The following NRG3 variants were observed in gnomAD, a reference collection of about 807,000 sequenced individuals.
NRG3 encodes neuregulin 3.
A neutral mutation model predicts 66.9 loss-of-function variants in NRG3; 31 were observed. That is an observed-to-expected ratio of 0.46 (90% CI 0.35 to 0.63). The LOEUF is 0.63. NRG3 is among the 20% of genes least tolerant of loss of function. NRG3 has a pLI of 0.00. For synonymous variants in NRG3, 393 were observed against 359.4 expected (o/e 1.09, Z -1.06); for missense variants, 910 against 878.9 (o/e 1.04, Z -0.45).
At chr10:82,310,953 T>A (rs999600017) in intron 1 of NRG3, among the ~76,000 whole-genome samples, 22 of 152,340 alleles carry the variant, frequency 1.4e-4, no homozygotes, top group Non-Finnish European at 3.1e-4. Context: ...TTGCTTACTC[T>A]AAGATTGAGG....
intron 1 of NRG3, among the ~76,000 whole-genome samples, chr10:82,358,221 T>C (rs2083901276): frequency 6.6e-6 from 1 of 152,158 alleles, no homozygotes; most frequent in Non-Finnish European, 1.5e-5. Context: ...GCATTTTAAT[T>C]ACATAATAAA....
chr10:82,848,956 T>G (rs2063435818), intron 3 of NRG3, among the ~76,000 whole-genome samples: 1 of 152,166 alleles, frequency 6.6e-6, no homozygotes. Flanking sequence ...ATTAAACCTC[T>G]TTTTCTTTAT....
chr10:82,638,036 A>G (rs1226441185), intron 2 of NRG3, among the ~76,000 whole-genome samples: 2 of 152,208 alleles, frequency 1.3e-5, no homozygotes, highest in Non-Finnish European at 2.9e-5. Flanking sequence ...CTTTCACTAT[A>G]TTGGAAACTT....
chr10:82,485,260 T>C (rs1352839489), intron 2 of NRG3, among the ~76,000 whole-genome samples: 1 of 152,008 alleles, frequency 6.6e-6, no homozygotes, highest in Non-Finnish European at 1.5e-5. Context: ...AATTCAAAGA[T>C]GAGCTGATTT....
At chr10:82,499,692 T>C (rs1590362025) in intron 2 of NRG3, among the ~76,000 whole-genome samples, 1 of 152,184 alleles carries the variant, frequency 6.6e-6, no homozygotes. Flanking sequence ...TATGTGTGAA[T>C]TGAATGATAT....
intron 4 of NRG3, among the ~76,000 whole-genome samples, chr10:82,867,874 C>A (rs1840912184): frequency 6.6e-6 from 1 of 152,092 alleles, no homozygotes; most frequent in African/African-American, 2.4e-5. Context: ...TTTGTACCCT[C>A]CTCATTCGCT....
intron 2 of NRG3, among the ~76,000 whole-genome samples, chr10:82,569,619 C>T (rs912099185): frequency 1.3e-5 from 2 of 151,674 alleles, no homozygotes; most frequent in Non-Finnish European, 3.0e-5. Context: ...TCTTAGAAAA[C>T]GTTTTGGGTT....
intron 1 of NRG3, among the ~76,000 whole-genome samples, chr10:81,911,885 G>T (rs1424798362): frequency 2.6e-5 from 4 of 151,904 alleles, no homozygotes; most frequent in Non-Finnish European, 4.4e-5. Context: ...TAAAGTAAAA[G>T]AATGTTTTCT....
intron 2 of NRG3, among the ~76,000 whole-genome samples, chr10:82,671,719 A>G (rs1341463706): frequency 1.3e-5 from 2 of 152,242 alleles, no homozygotes; most frequent in African/African-American, 4.8e-5. Flanking sequence ...TTACAGAGAG[A>G]TGAACCAACT....
At chr10:82,617,056 A>G (rs2048700963) in intron 2 of NRG3, among the ~76,000 whole-genome samples, 1 of 152,198 alleles carries the variant, frequency 6.6e-6, no homozygotes, top group African/African-American at 2.4e-5. Flanking sequence ...TTCTGAGTGC[A>G]TTGGTTGAGG....
At chr10:82,408,109 A>AAG (rs1160898536) in intron 2 of NRG3, among the ~76,000 whole-genome samples, 4 of 140,686 alleles carry the variant, frequency 2.8e-5, no homozygotes, top group African/African-American at 1.1e-4. Flanking sequence ...GAAAGAAAGA[A>AAG]AGAAAGAAAG....
rs528650660 is a variant in NRG3, at chr10:82,192,488, A to T, written c.824-166251A>T. Among the ~76,000 whole-genome samples the T allele has an allele frequency of 4.6e-5, 7 of 152,226 alleles. No individual in the cohort carries two copies. The South Asian group carries it at 1.5e-3, about 32-fold the overall frequency. On this transcript the variant is annotated intron_variant, in intron 1 of 8. Coordinates refer to ENST00000372141, the MANE Select transcript of NRG3 (RefSeq NM_001010848.4). ...TTGCTGGAATTATCTAAAGATATCCACCTATTGTCTAAAACCCACCTAACA... is the reference window on the plus strand; with the variant it reads ...TTGCTGGAATTATCTAAAGATATCCTCCTATTGTCTAAAACCCACCTAACA...
intron 2 of NRG3, among the ~76,000 whole-genome samples, chr10:82,483,097 C>G (rs1842416251): frequency 6.6e-6 from 1 of 152,050 alleles, no homozygotes; most frequent in Non-Finnish European, 1.5e-5. Flanking sequence ...TGGGCCCAAA[C>G]AGATGAAAAA....
chr10:81,993,622 C>T (rs1351274319), intron 1 of NRG3, among the ~76,000 whole-genome samples: 2 of 152,108 alleles, frequency 1.3e-5, no homozygotes, highest in Non-Finnish European at 2.9e-5. Flanking sequence ...GGTGGAATTA[C>T]AGGCATAAAC....
chr10:82,560,906 G>T (rs1337404917), intron 2 of NRG3, among the ~76,000 whole-genome samples: 1 of 151,754 alleles, frequency 6.6e-6, no homozygotes, highest in Non-Finnish European at 1.5e-5. Flanking sequence ...AGTCTTATAG[G>T]TCCCTAATAT....
At chr10:82,392,639 ATTTG>A (rs2086458439) in intron 2 of NRG3, among the ~76,000 whole-genome samples, 1 of 152,164 alleles carries the variant, frequency 6.6e-6, no homozygotes. Context: ...ACAATAGCCC[ATTTG>A]TTTTACAAAT....
At chr10:82,787,925 C>T (rs562379539) in intron 3 of NRG3, among the ~76,000 whole-genome samples, 2 of 152,284 alleles carry the variant, frequency 1.3e-5, no homozygotes, top group East Asian at 1.9e-4. Context: ...CATAACAGAC[C>T]TAGGCTGCAG....
intron 3 of NRG3, among the ~76,000 whole-genome samples, chr10:82,822,751 C>G (rs1253770601): frequency 6.6e-6 from 1 of 152,110 alleles, no homozygotes; most frequent in African/African-American, 2.4e-5. Flanking sequence ...AGTCCCCTCA[C>G]TAACCTGTCC....
At chr10:82,061,352 C>CAAACAAAACA (rs563433676) in intron 1 of NRG3, among the ~76,000 whole-genome samples, 4 of 152,082 alleles carry the variant, frequency 2.6e-5, no homozygotes, top group African/African-American at 9.7e-5. Flanking sequence ...TTTTCCCTCT[C>CAAACAAAACA]AAACAAAACA....
Sources: allele counts gnomAD v4.1 joint callset (sites outside exome capture counted in the v4.1 genomes callset), GRCh38; gene constraint gnomAD v4.1.1; transcripts MANE v1.5; gene names NCBI Gene and HGNC (gene_info 2026-07-23, HGNC 2026-07-21).